NUP205: variants seen among roughly 807,000 people sequenced by gnomAD.
NUP205 encodes nuclear pore complex protein Nup205.
In NUP205, 76 loss-of-function variants were observed where a neutral mutation model predicts 253.8. The observed-to-expected ratio is 0.30, with a 90% CI of 0.25 to 0.36. The LOEUF (loss-of-function observed/expected upper bound fraction) is 0.36. NUP205 is among the 10% of genes least tolerant of loss of function. The pLI, the probability that NUP205 is intolerant of heterozygous loss-of-function variation, is 1.00. For synonymous variants in NUP205, 832 were observed against 850.1 expected, an observed-to-expected ratio of 0.98 and a Z score of 0.37; for missense variants, 2,162 against 2,425.5, an observed-to-expected ratio of 0.89 and a Z score of 2.28.
chr7:135,613,536 T>A (rs2129491123), intron 22 of NUP205, among the ~76,000 whole-genome samples: 1 of 137,782 alleles, frequency 7.3e-6, no homozygotes, highest in East Asian at 2.0e-4. Context: ...TTTTCTTTTC[T>A]TTTTTTTTCT....
intron 5 of NUP205, 23 bp downstream of exon 5, chr7:135,577,151 T>G (rs199909266): frequency 1.3e-6 from 2 of 1,582,314 alleles, no homozygotes; most frequent in Non-Finnish European, 1.7e-6. Flanking sequence ...TGAAATCAAT[T>G]CATGAGTTGT....
Position 135,619,372 on chromosome 7 carries a change from G to A in NUP205, c.3964-51G>A, listed in dbSNP as rs141624692. 198 of 1,552,918 alleles carry A rather than the reference G, an allele frequency of 1.3e-4. 1 individual carries two copies. In the African/African-American group the frequency reaches 2.3e-3, roughly 18 times the overall value. ...AAAAAAAGCTATGAAATTTGTTAAT[G>A]ATTATAGCTGAAAGCAGGATTCTCA... On this transcript the variant is annotated intron_variant, in intron 28 of 42. Transcript: ENST00000285968.
intron 21 of NUP205, among the ~76,000 whole-genome samples, 157 bp from the exon 22 acceptor site, chr7:135,607,090 T>C (rs1238032589): frequency 6.6e-6 from 1 of 152,244 alleles, no homozygotes; most frequent in Non-Finnish European, 1.5e-5. Flanking sequence ...AACTGAGCTA[T>C]AGAGAATCAG....
At chr7:135,598,555 G>A (rs1793897248) in intron 15 of NUP205, among the ~76,000 whole-genome samples, 2 of 152,314 alleles carry the variant, frequency 1.3e-5, no homozygotes, top group South Asian at 2.1e-4. Context: ...ATTGAAATAA[G>A]TTTAAACTTG....
At chr7:135,564,549 GT>G (rs1372051461) in intron 1 of NUP205, among the ~76,000 whole-genome samples, 4 of 147,126 alleles carry the variant, frequency 2.7e-5, no homozygotes, top group Admixed American at 6.8e-5. Flanking sequence ...CGCCCGGCCT[GT>G]TTTTTTTTTA....
intron 26 of NUP205, 95 bp downstream of exon 26, chr7:135,617,342 T>C (rs1458726035): frequency 1.6e-6 from 2 of 1,227,646 alleles, no homozygotes; most frequent in Non-Finnish European, 2.3e-6. Context: ...TTCTTTCTGA[T>C]AGAGACATTG....
Position 135,614,140 on chromosome 7 carries a change from T to C in NUP205, c.3196-19T>C. ...ACAGAAAGACTGATTCAGGGATTTT[T>C]CTTACTTTAATGCTTTAGGTCATAT... On this transcript the variant is annotated intron_variant, in intron 22 of 42. Transcript: ENST00000285968. 2 of 1,335,972 alleles carry C rather than the reference T, an allele frequency of 1.5e-6. No homozygotes were observed. Among genetic ancestry groups the C allele is most frequent in the Non-Finnish European group, 2.1e-6 (2 of 932,162 alleles). 82.8% of individuals were successfully genotyped at this position (1,335,972 alleles called of 1,614,324 possible).
intron 22 of NUP205, among the ~76,000 whole-genome samples, chr7:135,613,417 G>A (rs1794285592): frequency 6.6e-6 from 1 of 151,464 alleles, no homozygotes; most frequent in Non-Finnish European, 1.5e-5. Context: ...GATCTTCTTT[G>A]TAATTTCTGC....
In NUP205 at chr7:135,591,556, C is replaced by T. The variant is rs564960046; in HGVS notation, c.1580C>T (p.Ala527Val). The T allele has an allele frequency of 1.2e-6, 2 of 1,613,868 alleles. No individual in the cohort carries two copies. The highest frequency in any genetic ancestry group is 1.7e-6 in the Non-Finnish European group (2 of 1,179,842). Residue 527 changes from alanine to valine, a missense_variant, in exon 11 of 43, where the codon GCC (alanine) becomes GTC (valine). Ala to Val is a moderately conservative substitution (Grantham distance 64). Around this residue, in one of 5 missense-constraint regions of NUP205, gnomAD observed 892 missense variants for 957.1 expected, o/e 0.93. Coordinates refer to ENST00000285968, the MANE Select transcript of NUP205 (RefSeq NM_015135.3). ...GGATTGGCCAATGGGCCTCAGTGTGCCCACTACTGTTTCAGCCTGCTCAAA... is the reference window on the plus strand; with the variant it reads ...GGATTGGCCAATGGGCCTCAGTGTGTCCACTACTGTTTCAGCCTGCTCAAA... ...LQGLANGPQC[A>V]HYCFSLLKVN... is the part of the protein sequence containing the mutation.
intron 1 of NUP205, among the ~76,000 whole-genome samples, chr7:135,565,249 T>A (rs1805718994): frequency 6.6e-6 from 1 of 152,192 alleles, no homozygotes; most frequent in Admixed American, 6.6e-5. Flanking sequence ...TTAACTTTTG[T>A]CAGCACTTTA....
chr7:135,578,101 T>C, intron 6 of NUP205, 77 bp downstream of exon 6: 1 of 1,012,746 alleles, frequency 9.9e-7, no homozygotes, highest in South Asian at 1.4e-5. Flanking sequence ...AAAAGGGTGA[T>C]ATTTTAGCTA....
intron 1 of NUP205, among the ~76,000 whole-genome samples, chr7:135,558,869 CACTT>C (rs1438525973): frequency 1.3e-5 from 2 of 152,176 alleles, no homozygotes; most frequent in Non-Finnish European, 1.5e-5. Context: ...GTGAGAATCT[CACTT>C]AAAAGGACTC....
At chr7:135,586,948 T>C (rs1276538051) in intron 8 of NUP205, among the ~76,000 whole-genome samples, 2 of 152,328 alleles carry the variant, frequency 1.3e-5, no homozygotes, top group African/African-American at 4.8e-5. Flanking sequence ...TTGATGCTGT[T>C]TTTCAAGTTT....
intron 40 of NUP205, 79 bp from the exon 41 acceptor site, chr7:135,645,389 C>T: frequency 6.8e-7 from 1 of 1,469,124 alleles, no homozygotes; most frequent in Middle Eastern, 1.8e-4. Context: ...GCAGTCTGTC[C>T]TTTTTTCTTC....
intron 31 of NUP205, 26 bp downstream of exon 31, chr7:135,622,951 T>C: frequency 6.2e-7 from 1 of 1,605,706 alleles, no homozygotes; most frequent in Non-Finnish European, 8.5e-7. Flanking sequence ...TTTAGTATTA[T>C]AATTGAATAA....
chr7:135,576,207 T>G (rs1806146737), intron 3 of NUP205, 63 bp from the exon 4 acceptor site: 1 of 1,417,300 alleles, frequency 7.1e-7, no homozygotes, highest in South Asian at 1.2e-5. Flanking sequence ...TATATTGATT[T>G]TTGTCTCCTC....
chr7:135,577,754 A>G (rs753338094), intron 5 of NUP205, 42 bp from the exon 6 acceptor site: 8 of 1,432,172 alleles, frequency 5.6e-6, no homozygotes, highest in African/African-American at 1.4e-5. Context: ...ACCAGGCTTC[A>G]CTGTAATTTA....
At chr7:135,579,022 G>A in intron 7 of NUP205, 107 bp downstream of exon 7, 1 of 809,060 alleles carries the variant, frequency 1.2e-6, no homozygotes, top group African/African-American at 1.7e-5. Context: ...AGCATAGGAA[G>A]ATATCCAGAG....
chr7:135,566,664 C>T (rs1805767994), intron 1 of NUP205, among the ~76,000 whole-genome samples: 1 of 152,154 alleles, frequency 6.6e-6, no homozygotes. Context: ...CTCTTTCTTT[C>T]ATGTACTCTC....
Sources: gnomAD v4.1 joint callset for allele counts (sites outside exome capture counted in the v4.1 genomes callset) on GRCh38, gnomAD v4.1.1 for gene constraint, gnomAD v4.1.1 regional missense constraint, MANE v1.5 for transcripts, NCBI Gene and HGNC (gene_info 2026-07-23, HGNC 2026-07-21) for gene names.